JPH1: variants seen among roughly 807,000 people sequenced by gnomAD.
JPH1 encodes the protein junctophilin 1.
A neutral mutation model predicts 53.6 loss-of-function variants in JPH1; 12 were observed. The ratio of observed to expected loss-of-function variants is 0.22; its 90% CI spans 0.14 to 0.36. The LOEUF is 0.36. Ranked by LOEUF, JPH1 falls within the 10% of genes least tolerant of loss-of-function variation. JPH1 has a pLI of 1.00. For missense variants in JPH1, 808 were observed against 905.5 expected (o/e 0.89, Z 1.38); for synonymous variants, 375 against 363.8 (o/e 1.03, Z -0.35).
chr8:74,299,623 G>T (rs1055967237), intron 2 of JPH1, among the ~76,000 whole-genome samples: 1 of 152,082 alleles, frequency 6.6e-6, no homozygotes, highest in African/African-American at 2.4e-5. Flanking sequence ...CCTGATGTGC[G>T]AATTGTTCTT....
chr8:74,311,628 C>G (rs1034425830), intron 2 of JPH1, among the ~76,000 whole-genome samples: 1 of 150,770 alleles, frequency 6.6e-6, no homozygotes, highest in African/African-American at 2.4e-5. Context: ...CCCATCAACC[C>G]ATCATCCAGC....
intron 2 of JPH1, among the ~76,000 whole-genome samples, chr8:74,298,663 T>C (rs1166298424): frequency 6.6e-6 from 1 of 152,178 alleles, no homozygotes; most frequent in Admixed American, 6.6e-5. Context: ...CAGGTGGGTT[T>C]GTTGTAAGAC....
At chr8:74,274,818 G>C (rs966820299) in intron 2 of JPH1, among the ~76,000 whole-genome samples, 5 of 152,078 alleles carry the variant, frequency 3.3e-5, no homozygotes, top group Non-Finnish European at 7.4e-5. Flanking sequence ...ACATGTCTAG[G>C]ACTTTTGCCT....
chr8:74,316,216 T>C (rs796695669), intron 1 of JPH1, among the ~76,000 whole-genome samples: 5 of 152,300 alleles, frequency 3.3e-5, no homozygotes, highest in Admixed American at 1.3e-4. Flanking sequence ...GGATTATCAT[T>C]TGAATTTGGG....
intron 2 of JPH1, among the ~76,000 whole-genome samples, chr8:74,312,803 T>C (rs1808036021): frequency 6.6e-6 from 1 of 152,094 alleles, no homozygotes; most frequent in Non-Finnish European, 1.5e-5. Flanking sequence ...TGTTTTTCTG[T>C]GACTGACTTC....
At chr8:74,310,257 A>T (rs976641654) in intron 2 of JPH1, among the ~76,000 whole-genome samples, 1 of 150,950 alleles carries the variant, frequency 6.6e-6, no homozygotes, top group African/African-American at 2.5e-5. Flanking sequence ...TGAGATATTT[A>T]GAGTTGCTCT....
chr8:74,281,023 C>A (rs1265642397), intron 2 of JPH1, among the ~76,000 whole-genome samples: 2 of 152,188 alleles, frequency 1.3e-5, no homozygotes, highest in Non-Finnish European at 2.9e-5. Context: ...TGTTCAATGA[C>A]TCAGCTCATG....
At chr8:74,269,208 T>C (rs1230953621) in intron 2 of JPH1, among the ~76,000 whole-genome samples, 1 of 152,244 alleles carries the variant, frequency 6.6e-6, no homozygotes, top group East Asian at 1.9e-4. Context: ...CTATCAGGCT[T>C]CTGATGCCGA....
chr8:74,312,928 T>C (rs1808038207), intron 2 of JPH1, among the ~76,000 whole-genome samples: 1 of 152,206 alleles, frequency 6.6e-6, no homozygotes, highest in South Asian at 2.1e-4. Context: ...AACTATATAA[T>C]ACAGTATTCC....
intron 2 of JPH1, among the ~76,000 whole-genome samples, chr8:74,288,921 T>C (rs1202271473): frequency 6.6e-6 from 1 of 152,244 alleles, no homozygotes; most frequent in Non-Finnish European, 1.5e-5. Context: ...TTTAAGTATG[T>C]AGAGAGCTGA....
At chr8:74,269,721 A>G (rs1806643933) in intron 2 of JPH1, among the ~76,000 whole-genome samples, 1 of 152,160 alleles carries the variant, frequency 6.6e-6, no homozygotes, top group Non-Finnish European at 1.5e-5. Context: ...TTCTATAGAG[A>G]CCTGAGACTC....
intron 2 of JPH1, among the ~76,000 whole-genome samples, chr8:74,293,563 T>C (rs997257923): frequency 8.5e-5 from 13 of 152,164 alleles, no homozygotes; most frequent in African/African-American, 3.1e-4. Flanking sequence ...CACTACCCCA[T>C]CATGCAGAAA....
At chr8:74,247,020 A>G (rs1046939772) in intron 3 of JPH1, among the ~76,000 whole-genome samples, 1 of 152,248 alleles carries the variant, frequency 6.6e-6, no homozygotes, top group African/African-American at 2.4e-5. Context: ...GTGTCTGGAC[A>G]TAGCATTAAG....
intron 2 of JPH1, among the ~76,000 whole-genome samples, chr8:74,294,158 T>G (rs1807427571): frequency 1.3e-5 from 2 of 152,214 alleles, no homozygotes. Context: ...AGGGCAATTA[T>G]GTGAATGTGC....
At chr8:74,276,970 A>T (rs1806867095) in intron 2 of JPH1, among the ~76,000 whole-genome samples, 1 of 152,258 alleles carries the variant, frequency 6.6e-6, no homozygotes, top group East Asian at 1.9e-4. Context: ...CATACCATGT[A>T]ACAAGTGATT....
rs556605830 is a variant in JPH1 at position 74,291,534 on chromosome 8, G to A, written c.1139+23327C>T. Among the ~76,000 whole-genome samples the A allele has an allele frequency of 6.6e-4, 101 of 152,336 alleles. 1 individual carries two copies. Among genetic ancestry groups the A allele is most frequent in the South Asian group, 6.2e-3 (30 of 4,826 alleles). Reference sequence around the variant, plus strand: ...ACACTTTTACACTGTTGGTGGGACTGTAAACTAGTTCAACCATTGTGGAAG... The same window carrying A: ...ACACTTTTACACTGTTGGTGGGACTATAAACTAGTTCAACCATTGTGGAAG... On this transcript the variant is annotated intron_variant, in intron 2 of 5. Coordinates refer to ENST00000342232, the MANE Select transcript of JPH1 (RefSeq NM_020647.4).
chr8:74,292,620 A>G (rs1377498774), intron 2 of JPH1, among the ~76,000 whole-genome samples: 3 of 151,622 alleles, frequency 2.0e-5, no homozygotes, highest in East Asian at 3.9e-4. Flanking sequence ...TATTTTAATA[A>G]TCTTAACACA....
intron 2 of JPH1, among the ~76,000 whole-genome samples, chr8:74,303,661 G>A (rs566956449): frequency 1.3e-5 from 2 of 152,180 alleles, no homozygotes; most frequent in African/African-American, 4.8e-5. Context: ...ATAGCTCACT[G>A]CAGCCTCAAA....
In JPH1 at chr8:74,320,375, G is replaced by T. The variant is rs1808278896; in HGVS notation, c.379+534C>A. Among the ~76,000 whole-genome samples, 1 of 152,116 alleles carries T rather than the reference G, an allele frequency of 6.6e-6. No individual in the cohort carries two copies. Among genetic ancestry groups the T allele is most frequent in the Non-Finnish European group, 1.5e-5 (1 of 68,020 alleles). On this transcript the variant is annotated intron_variant, in intron 1 of 5. Transcript: ENST00000342232. This position sits in a 1 kb window ranked among gnomAD's most constrained non-coding sequence, Gnocchi z 4.4. Reference sequence around the variant, plus strand: ...CAATTCCCCAACATCCTAGTTACGGGGTTCTGGCTTCTATCTTTAGGCTAC... The same window carrying T: ...CAATTCCCCAACATCCTAGTTACGGTGTTCTGGCTTCTATCTTTAGGCTAC...
Sources: gnomAD v4.1 joint callset for allele counts (sites outside exome capture counted in the v4.1 genomes callset) on GRCh38, gnomAD v4.1.1 for gene constraint, Gnocchi (gnomAD v3.1) non-coding constraint, MANE v1.5 for transcripts, NCBI Gene and HGNC (gene_info 2026-07-23, HGNC 2026-07-21) for gene names.